ZFHX3: variants seen among roughly 807,000 people sequenced by gnomAD.
The protein encoded by ZFHX3 is zinc finger homeobox 3.
In ZFHX3, 42 loss-of-function variants were observed where a neutral mutation model predicts 279.1. The ratio of observed to expected loss-of-function variants is 0.15; its 90% CI spans 0.12 to 0.19. The LOEUF (loss-of-function observed/expected upper bound fraction) is 0.19. ZFHX3 is among the 10% of genes least tolerant of loss of function. The pLI is 1.00. For synonymous variants in ZFHX3, 2,293 were observed against 1,957.8 expected (o/e 1.17, Z -4.52); for missense variants, 4,981 against 4,754.0 (o/e 1.05, Z -1.40).
At chr16:73,011,483 C>G (rs1963916234) in intron 1 of ZFHX3, among the ~76,000 whole-genome samples, 1 of 151,990 alleles carries the variant, frequency 6.6e-6, no homozygotes, top group Non-Finnish European at 1.5e-5. Context: ...TGGCTCATAC[C>G]TGTAATCCCA....
intron 2 of ZFHX3, among the ~76,000 whole-genome samples, chr16:73,512,108 A>G (rs1422247445): frequency 1.3e-5 from 2 of 151,950 alleles, no homozygotes; most frequent in African/African-American, 4.8e-5. Flanking sequence ...ACAGCCGGAC[A>G]CGGGAAATGT....
chr16:73,034,195 C>G (rs552620937), intron 1 of ZFHX3, among the ~76,000 whole-genome samples: 5 of 152,262 alleles, frequency 3.3e-5, no homozygotes, highest in Admixed American at 1.3e-4. Flanking sequence ...ATGTCACCCT[C>G]TGTCCCTCCA....
At position 72,787,319 on chromosome 16, in the gene ZFHX3, G is replaced by A; in HGVS notation, c.10957C>T (p.Pro3653Ser). Residue 3653 changes from proline to serine, a missense_variant, in exon 10 of 10, where the codon CCC becomes TCC. Pro to Ser is a moderately conservative substitution (Grantham distance 74). This residue lies in a region of ZFHX3 where 1,034 missense variants were observed against 786.0 expected (regional missense o/e 1.32). Transcript: ENST00000268489. ...GAATAGTCGTCTGTTGGCATCGAGGGCTGAACCCCTGAGGTGCTGCATGAA... is the reference window on the plus strand; with the variant it reads ...GAATAGTCGTCTGTTGGCATCGAGGACTGAACCCCTGAGGTGCTGCATGAA... ...SSSCSTSGVQ[P>S]SMPTDDYSEE... 1 of 1,613,990 alleles carries A rather than the reference G, an allele frequency of 6.2e-7. No individual in the cohort carries two copies. Among genetic ancestry groups the A allele is most frequent in the African/African-American group, 1.3e-5 (1 of 74,980 alleles).
At chr16:73,740,826 T>C (rs1199621457) in intron 1 of ZFHX3, among the ~76,000 whole-genome samples, 2 of 152,172 alleles carry the variant, frequency 1.3e-5, no homozygotes, top group South Asian at 2.1e-4. Context: ...CTTCTCATTA[T>C]GGAATGCAAG....
chr16:73,287,052 G>C (rs968322661), intron 4 of ZFHX3, among the ~76,000 whole-genome samples: 5 of 150,198 alleles, frequency 3.3e-5, no homozygotes, highest in African/African-American at 1.2e-4. Flanking sequence ...GTTGCTGTGT[G>C]GCTGTACGGG....
At chr16:73,238,653 C>T (rs1411243284) in intron 5 of ZFHX3, among the ~76,000 whole-genome samples, 3 of 152,104 alleles carry the variant, frequency 2.0e-5, no homozygotes, top group South Asian at 2.1e-4. Context: ...TTATCTTGCT[C>T]GCCTTTGTGA....
At chr16:73,441,673 C>G (rs2018096028) in intron 3 of ZFHX3, among the ~76,000 whole-genome samples, 1 of 152,140 alleles carries the variant, frequency 6.6e-6, no homozygotes, top group Non-Finnish European at 1.5e-5. Flanking sequence ...GCAGCCATCG[C>G]CAACCACCCT....
intron 3 of ZFHX3, among the ~76,000 whole-genome samples, chr16:73,349,892 CT>C (rs1490242185): frequency 6.9e-6 from 1 of 144,572 alleles, no homozygotes; most frequent in Non-Finnish European, 1.5e-5. Flanking sequence ...CTTTACTCCC[CT>C]TCTTCTTCCC....
intron 5 of ZFHX3, among the ~76,000 whole-genome samples, chr16:73,254,729 G>C (rs2013613135): frequency 6.6e-6 from 1 of 152,064 alleles, no homozygotes; most frequent in Non-Finnish European, 1.5e-5. Flanking sequence ...TAGAAATATT[G>C]ATCTCATCTT....
intron 1 of ZFHX3, among the ~76,000 whole-genome samples, chr16:73,774,219 T>C (rs554205764): frequency 1.3e-5 from 2 of 152,204 alleles, no homozygotes; most frequent in Non-Finnish European, 2.9e-5. Flanking sequence ...ACTCTCCAAA[T>C]TCATTTTTGT....
At chr16:73,270,898 C>T (rs895161560) in intron 4 of ZFHX3, among the ~76,000 whole-genome samples, 1 of 152,128 alleles carries the variant, frequency 6.6e-6, no homozygotes, top group African/African-American at 2.4e-5. Flanking sequence ...TTAGAACACT[C>T]GAAAAGATCT....
At chr16:73,533,071 T>C (rs1163380273) in intron 2 of ZFHX3, among the ~76,000 whole-genome samples, 1 of 152,202 alleles carries the variant, frequency 6.6e-6, no homozygotes, top group African/African-American at 2.4e-5. Flanking sequence ...CACCACCTCA[T>C]GATCAAGGAT....
At chr16:72,902,347 A>G (rs910849876) in intron 3 of ZFHX3, among the ~76,000 whole-genome samples, 2 of 152,190 alleles carry the variant, frequency 1.3e-5, no homozygotes, top group East Asian at 3.9e-4. Flanking sequence ...ACAGGCTCCC[A>G]ATCAATAGCC....
At chr16:73,339,238 A>C (rs1254510443) in intron 3 of ZFHX3, among the ~76,000 whole-genome samples, 2 of 152,070 alleles carry the variant, frequency 1.3e-5, no homozygotes, top group Admixed American at 6.5e-5. Flanking sequence ...TGCCCTCCCA[A>C]AGCACTGTGC....
At chr16:73,132,765 T>C (rs565347435) in intron 6 of ZFHX3, among the ~76,000 whole-genome samples, 2 of 152,324 alleles carry the variant, frequency 1.3e-5, no homozygotes, top group African/African-American at 4.8e-5. Flanking sequence ...TGATTAATCG[T>C]GTCACAGTCA....
At chr16:73,057,898 G>C (rs1258562421) in intron 1 of ZFHX3, among the ~76,000 whole-genome samples, 1 of 148,670 alleles carries the variant, frequency 6.7e-6, no homozygotes, top group Non-Finnish European at 1.5e-5. Flanking sequence ...GGCTGCGACC[G>C]CGGCGACTGC....
At chr16:73,472,110 T>C (rs1009926192) in intron 2 of ZFHX3, among the ~76,000 whole-genome samples, 1 of 152,090 alleles carries the variant, frequency 6.6e-6, no homozygotes, top group Non-Finnish European at 1.5e-5. Flanking sequence ...ATCTACTGAA[T>C]GTTAGAACCA....
At chr16:73,538,765 G>C (rs1357552649) in intron 2 of ZFHX3, among the ~76,000 whole-genome samples, 2 of 152,190 alleles carry the variant, frequency 1.3e-5, no homozygotes, top group Admixed American at 6.5e-5. Flanking sequence ...GTCAGAAAAA[G>C]TGAACAGATA....
chr16:72,787,661 A>T lies in ZFHX3; in HGVS notation c.10615T>A (p.Cys3539Ser). The change falls in exon 10 of 10, where the codon TGT (cysteine) becomes AGT (serine). Residue 3539 changes from cysteine (C) to serine (S), a missense_variant. Coordinates refer to ENST00000268489, the MANE Select transcript of ZFHX3 (RefSeq NM_006885.4). ...TGTTGACTCAGAGCTTCCTCCCCAC[A>T]GAGCGCGCTCTCGCACGCCAGGCAG... Reference protein sequence around the residue: ...YHCLACESALCGEEALSQHLE... With the variant: ...YHCLACESALSGEEALSQHLE... 6.3e-7 allele frequency: 1 copy of T among 1,580,012 alleles called. No homozygotes were observed. The highest frequency in any genetic ancestry group is 8.6e-7 in the Non-Finnish European group (1 of 1,162,688).
Sources: gnomAD v4.1 joint callset for allele counts (sites outside exome capture counted in the v4.1 genomes callset) on GRCh38, gnomAD v4.1.1 for gene constraint, gnomAD v4.1.1 regional missense constraint, MANE v1.5 for transcripts, NCBI Gene and HGNC (gene_info 2026-07-23, HGNC 2026-07-21) for gene names.